The following FAM76B variants were observed in gnomAD, a reference collection of about 807,000 sequenced individuals.
FAM76B encodes the protein protein FAM76B.
Under a neutral mutation model 51.8 loss-of-function variants are expected in FAM76B, and 16 were observed. That is an observed-to-expected ratio of 0.31 (90% CI 0.21 to 0.47). The LOEUF (loss-of-function observed/expected upper bound fraction) is 0.47. FAM76B is among the 20% of genes least tolerant of loss of function. The pLI is 1.00. For synonymous variants in FAM76B, 166 were observed against 129.5 expected, an observed-to-expected ratio of 1.28 and a Z score of -1.91; for missense variants, 342 against 392.6, an observed-to-expected ratio of 0.87 and a Z score of 1.09.
chr11:95,773,223 TA>T, intron 9 of FAM76B, among the ~76,000 whole-genome samples: 1 of 151,112 alleles, frequency 6.6e-6, no homozygotes, highest in Admixed American at 6.6e-5. Flanking sequence ...TTTTTCCATT[TA>T]ATGCTTTGGT....
Position 95,789,587 on chromosome 11 carries a change from C to A in FAM76B, c.-109G>T. On this transcript the variant is annotated 5_prime_UTR_variant, in exon 1 of 10. Transcript: ENST00000358780. ...CGCGGGCTCCTCCTCCTCCCCCTCC[C>A]CCTGCCTCGCGCCCACCAGGGCCTC... The A allele has an allele frequency of 1.1e-6, 1 of 941,880 alleles. No homozygotes were observed. Among genetic ancestry groups the A allele is most frequent in the Non-Finnish European group, 1.5e-6 (1 of 648,192 alleles). The allele number at this position is 941,880 out of a possible 1,614,324, so 58.3% of individuals were successfully genotyped here.
chr11:95,782,762 C>G (rs1053664147), intron 5 of FAM76B, among the ~76,000 whole-genome samples: 1 of 152,046 alleles, frequency 6.6e-6, no homozygotes, highest in Non-Finnish European at 1.5e-5. Context: ...AAAAAGAATA[C>G]TGAGGCTTTT....
At chr11:95,786,523 T>C (rs1860597592) in intron 3 of FAM76B, 1 of 352,032 alleles carries the variant, frequency 2.8e-6, no homozygotes, top group Non-Finnish European at 5.1e-6. Context: ...ATTTGCATAG[T>C]CTGTTAGATA....
chr11:95,776,373 A>G (rs867761417), intron 8 of FAM76B, among the ~76,000 whole-genome samples: 2 of 151,580 alleles, frequency 1.3e-5, no homozygotes, highest in Admixed American at 6.6e-5. Context: ...ATGTACTTCA[A>G]TAATAGTAAA....
rs1208031897 is a variant in FAM76B, at chr11:95,770,505, TAA to T, written c.*1054_*1055del. On this transcript the variant is annotated 3_prime_UTR_variant, in exon 10 of 10. Transcript: ENST00000358780. ...ACATTAAAATTTTTAAAAAATTTTATAAAATATAAAGCAAAACATGTAACTCA... is the reference window on the plus strand; with the variant it reads ...ACATTAAAATTTTTAAAAAATTTTATAATATAAAGCAAAACATGTAACTCA... 2.6e-5 allele frequency: 4 copies of T among 151,824 alleles called. No homozygotes were observed. The highest frequency in any genetic ancestry group is 2.0e-4 in the Admixed American group (3 of 15,166). The allele number at this position is 151,824 out of a possible 1,614,324, so 9.4% of individuals were successfully genotyped here.
At chr11:95,773,406 A>C (rs1231783752) in intron 9 of FAM76B, among the ~76,000 whole-genome samples, 1 of 148,788 alleles carries the variant, frequency 6.7e-6, no homozygotes, top group East Asian at 2.0e-4. Flanking sequence ...ATATTTCAAT[A>C]TATGTACATT....
At position 95,771,495 on chromosome 11, in the gene FAM76B, G is replaced by C; in HGVS notation, c.*66C>G. On this transcript the variant is annotated 3_prime_UTR_variant, in exon 10 of 10. Coordinates refer to ENST00000358780, the MANE Select transcript of FAM76B (RefSeq NM_144664.5). ...TATTTTTCTACTACACAGAATTTAA[G>C]GGCTTCACAGAATTTTTTTTCCCCA... The C allele has an allele frequency of 7.7e-7, 1 of 1,292,616 alleles. No individual in the cohort carries two copies. Among genetic ancestry groups the C allele is most frequent in the Non-Finnish European group, 1.1e-6 (1 of 902,366 alleles). 80.1% of individuals were successfully genotyped at this position (1,292,616 alleles called of 1,614,324 possible).
intron 5 of FAM76B, among the ~76,000 whole-genome samples, chr11:95,780,592 A>T (rs1860215554): frequency 6.6e-6 from 1 of 151,876 alleles, no homozygotes; most frequent in Non-Finnish European, 1.5e-5. Flanking sequence ...TTCATCATGA[A>T]TCCTTCATTT....
chr11:95,781,491 AC>A (rs938265619), intron 5 of FAM76B, among the ~76,000 whole-genome samples: 1 of 152,066 alleles, frequency 6.6e-6, no homozygotes, highest in African/African-American at 2.4e-5. Context: ...TATTTTTGAA[AC>A]CTGTCATTCT....
In FAM76B at chr11:95,783,109, G is replaced by C. The variant is rs1395404780; in HGVS notation, c.519C>G (p.His173Gln). Reference protein sequence around the residue: ...EKDQHHPKHHHHHHHHHHRHS... With the variant: ...EKDQHHPKHHQHHHHHHHRHS... The stretch of plus-strand genomic sequence containing the variant: ...GACGATGGTGATGGTGATGATGGTG[G>C]TGATGATGTTTTGGATGATGCTGGT... The change falls in exon 5 of 10, where the codon CAC becomes CAG. Residue 173 changes from histidine to glutamine, a missense_variant. Physicochemically the swap from His to Gln is conservative, Grantham distance 24. Transcript: ENST00000358780. 6.2e-7 allele frequency: 1 copy of C among 1,612,990 alleles called. No homozygotes were observed. The highest frequency in any genetic ancestry group is 1.3e-5 in the African/African-American group (1 of 74,914).
intron 3 of FAM76B, 100 bp downstream of exon 3, chr11:95,787,524 G>A (rs1340346611): frequency 8.6e-7 from 1 of 1,166,284 alleles, no homozygotes; most frequent in East Asian, 2.6e-5. Context: ...ACAGGCGTGA[G>A]CCACTGTGCC....
At chr11:95,782,976 C>A in intron 5 of FAM76B, 89 bp downstream of exon 5, 8 of 1,501,616 alleles carry the variant, frequency 5.3e-6, no homozygotes, top group Non-Finnish European at 7.2e-6. Context: ...TAGACTAGCA[C>A]ATAGTCAATA....
rs1346592169 is a variant in FAM76B, at chr11:95,789,525, G to A, written c.-47C>T. On this transcript the variant is annotated 5_prime_UTR_variant, in exon 1 of 10. Transcript: ENST00000358780. ...CCGCCGCCGCCCGCTCCGAGGCGGG[G>A]CCCTACGGAGAACCCGAGAGCCGCC... The A allele has an allele frequency of 1.3e-6, 2 of 1,534,302 alleles. No individual in the cohort carries two copies. Among genetic ancestry groups the A allele is most frequent in the Non-Finnish European group, 1.8e-6 (2 of 1,134,218 alleles).
chr11:95,787,626 T>A lies in FAM76B; in HGVS notation c.205A>T (p.Thr69Ser). The change falls in exon 3 of 10, where the codon ACG (threonine) becomes TCG (serine). Residue 69 changes from threonine to serine, a missense_variant and splice_region_variant. Around this residue, in one of 3 missense-constraint regions of FAM76B, gnomAD observed 96 missense variants for 94.7 expected, o/e 1.01. Coordinates refer to ENST00000358780, the MANE Select transcript of FAM76B (RefSeq NM_144664.5). The stretch of plus-strand genomic sequence containing the variant: ...ATGAAAACATAAGACATACTTACCG[T>A]CCCAAATTGCTTCACATTTTGAGCA... ...KCAQNVKQFG[T>S]PKPCQYCNII... 1.2e-6 allele frequency: 2 copies of A among 1,610,566 alleles called. No homozygotes were observed. Among genetic ancestry groups the A allele is most frequent in the Non-Finnish European group, 8.5e-7 (1 of 1,177,762 alleles).
At chr11:95,787,231 T>A (rs925255335) in intron 3 of FAM76B, among the ~76,000 whole-genome samples, 1 of 152,162 alleles carries the variant, frequency 6.6e-6, no homozygotes, top group African/African-American at 2.4e-5. Flanking sequence ...TCTAAGAGCA[T>A]AGCAGTAGTT....
rs772917104 is a variant in FAM76B, at chr11:95,788,485, T to C, written c.152+14A>G. 31 of 1,596,548 alleles carry C rather than the reference T, an allele frequency of 1.9e-5. No homozygotes were observed. The highest frequency in any genetic ancestry group is 1.6e-4 in the East Asian group (7 of 44,750). ...ACTTGTCTTTAACAGTCAAAAACTATTCAGTATACAAACCTCTCTTGTTGA... is the reference window on the plus strand; with the variant it reads ...ACTTGTCTTTAACAGTCAAAAACTACTCAGTATACAAACCTCTCTTGTTGA... On this transcript the variant is annotated intron_variant, in intron 2 of 9. Transcript: ENST00000358780.
intron 9 of FAM76B, among the ~76,000 whole-genome samples, chr11:95,773,448 T>C (rs995721542): frequency 3.6e-4 from 37 of 101,678 alleles, no homozygotes; most frequent in Non-Finnish European, 4.6e-4. Flanking sequence ...TACTTCATTT[T>C]GCAGCCAGCC....
Position 95,771,516 on chromosome 11 carries a change from C to T in FAM76B, c.*45G>A. The stretch of plus-strand genomic sequence containing the variant: ...TTAAGGGCTTCACAGAATTTTTTTT[C>T]CCCAAATTTACATTGTAAGAAGAAA... On this transcript the variant is annotated 3_prime_UTR_variant, in exon 10 of 10. Coordinates refer to ENST00000358780, the MANE Select transcript of FAM76B (RefSeq NM_144664.5). The T allele has an allele frequency of 6.6e-7, 1 of 1,516,986 alleles. No homozygotes were observed. The highest frequency in any genetic ancestry group is 9.0e-7 in the Non-Finnish European group (1 of 1,105,500). The allele number at this position is 1,516,986 out of a possible 1,614,324, so 94.0% of individuals were successfully genotyped here. A position where few individuals can be genotyped will look rare whatever the true frequency, so the allele number is the denominator to read the frequency against.
At chr11:95,777,636 T>C (rs148421215) in intron 8 of FAM76B, among the ~76,000 whole-genome samples, 1,626 of 151,414 alleles carry the variant, frequency 0.011, 28 homozygotes, top group Non-Finnish European at 0.011. Context: ...CCCGTAACTA[T>C]CCTATTTTAT....
Sources: allele counts gnomAD v4.1 joint callset (sites outside exome capture counted in the v4.1 genomes callset), GRCh38; gene constraint gnomAD v4.1.1; regional missense constraint gnomAD v4.1.1; transcripts MANE v1.5; gene names NCBI Gene and HGNC (gene_info 2026-07-23, HGNC 2026-07-21).